The following VPS13B variants were observed in gnomAD, a reference collection of about 807,000 sequenced individuals.
VPS13B encodes the protein vacuolar protein sorting 13 homolog B.
VPS13B carries 285 observed loss-of-function variants against 426.4 expected under a neutral mutation model. That is an observed-to-expected ratio of 0.67 (90% confidence interval 0.61 to 0.74). The LOEUF (loss-of-function observed/expected upper bound fraction) is 0.74. Among genes scored for constraint, VPS13B ranks in the 30% least tolerant of loss-of-function variants. The pLI is 0.00. For missense variants in VPS13B, 4,537 were observed against 4,782.6 expected (o/e 0.95, Z 1.51); for synonymous variants, 1,676 against 1,676.4 (o/e 1.00, Z 0.01).
intron 43 of VPS13B, among the ~76,000 whole-genome samples, chr8:99,807,677 TTGTGTGTGTGTGTG>T (rs144674961): frequency 1.2e-4 from 18 of 146,190 alleles, no homozygotes. Flanking sequence ...CAGGGTGTGT[TTGTGTGTGTGTGTG>T]TGTGTGTGTG....
rs1478294396 is a variant in VPS13B, at chr8:99,274,342, G to A, written c.2650+10G>A. On this transcript the variant is annotated intron_variant, in intron 18 of 61. Coordinates refer to ENST00000357162, the MANE Select transcript of VPS13B (RefSeq NM_152564.5). ...TGTGCCAAAGCCCCAGGTATGTGCA[G>A]CTGGACCGTGTAAAACTTTATTGCC... The A allele has an allele frequency of 4.3e-6, 7 of 1,614,074 alleles. No homozygotes were observed. The Admixed American group carries it at 1.0e-4, about 23-fold the overall frequency.
intron 19 of VPS13B, among the ~76,000 whole-genome samples, chr8:99,300,325 G>T (rs1243723136): frequency 2.0e-5 from 3 of 152,178 alleles, no homozygotes; most frequent in Admixed American, 2.0e-4. Flanking sequence ...TTGATAAACA[G>T]CAGGTTACTT....
At chr8:99,514,788 T>G (rs981396133) in intron 29 of VPS13B, among the ~76,000 whole-genome samples, 1 of 152,210 alleles carries the variant, frequency 6.6e-6, no homozygotes, top group African/African-American at 2.4e-5. Context: ...TCAGTTTTTT[T>G]GGGGTGTACA....
At chr8:99,826,739 G>A (rs868581542) in intron 51 of VPS13B, among the ~76,000 whole-genome samples, 5 of 152,282 alleles carry the variant, frequency 3.3e-5, no homozygotes, top group Middle Eastern at 3.4e-3. Context: ...TTTGAGATAT[G>A]TTCCATCAAT....
At chr8:99,439,150 G>T (rs1285379811) in intron 22 of VPS13B, among the ~76,000 whole-genome samples, 2 of 152,094 alleles carry the variant, frequency 1.3e-5, no homozygotes, top group East Asian at 3.8e-4. Context: ...CCTCTGGAAT[G>T]AAATGATGAA....
intron 28 of VPS13B, among the ~76,000 whole-genome samples, chr8:99,508,234 A>G (rs751171683): frequency 4.6e-5 from 7 of 152,118 alleles, no homozygotes; most frequent in Admixed American, 1.3e-4. Flanking sequence ...TACGATTCTT[A>G]ATAAGATTGC....
At chr8:99,859,267 G>C in intron 56 of VPS13B, 37 bp from the exon 57 acceptor site, 2 of 1,612,174 alleles carry the variant, frequency 1.2e-6, no homozygotes, top group Non-Finnish European at 1.7e-6. Flanking sequence ...TTCTGCATTT[G>C]AGGTTTCAAT....
At chr8:99,428,378 A>T (rs865879908) in intron 21 of VPS13B, among the ~76,000 whole-genome samples, 1 of 152,196 alleles carries the variant, frequency 6.6e-6, no homozygotes, top group South Asian at 2.1e-4. Flanking sequence ...AAATTTTTGC[A>T]ATCTACCCAT....
At chr8:99,563,685 G>A (rs1326956485) in intron 31 of VPS13B, among the ~76,000 whole-genome samples, 1 of 152,168 alleles carries the variant, frequency 6.6e-6, no homozygotes, top group South Asian at 2.1e-4. Flanking sequence ...GAGGCTAGAA[G>A]TATGAAAGTG....
rs540017981 is a variant in VPS13B, at chr8:99,181,112, A to G, written c.2333+10949A>G. On this transcript the variant is annotated intron_variant, in intron 16 of 61. Coordinates refer to ENST00000357162, the MANE Select transcript of VPS13B (RefSeq NM_152564.5). ...CGAATGACCAATAATTAGTTATGAT[A>G]AAATGGAAAAATGTAAATAGCAAAT... is the stretch of plus-strand genomic sequence containing the variant. Among the ~76,000 whole-genome samples, 151 of 152,316 alleles carry G rather than the reference A, an allele frequency of 9.9e-4. 1 individual carries two copies. The highest frequency in any genetic ancestry group is 1.8e-3 in the Non-Finnish European group (124 of 68,002).
At chr8:99,698,841 G>A (rs1248894393) in intron 35 of VPS13B, among the ~76,000 whole-genome samples, 3 of 152,146 alleles carry the variant, frequency 2.0e-5, no homozygotes, top group Non-Finnish European at 2.9e-5. Context: ...TTTCATGTCA[G>A]GTAAGTAAGA....
chr8:99,867,234 G>T (rs1817153816), intron 58 of VPS13B, among the ~76,000 whole-genome samples: 2 of 151,910 alleles, frequency 1.3e-5, no homozygotes, highest in Non-Finnish European at 2.9e-5. Flanking sequence ...GAGATAGGGA[G>T]CCCTCCACTC....
At chr8:99,687,256 C>A (rs1376618634) in intron 35 of VPS13B, among the ~76,000 whole-genome samples, 1 of 151,946 alleles carries the variant, frequency 6.6e-6, no homozygotes, top group Non-Finnish European at 1.5e-5. Context: ...GTCCCCTTTA[C>A]TCTCCCTCTC....
intron 33 of VPS13B, among the ~76,000 whole-genome samples, chr8:99,618,925 A>C (rs1828226358): frequency 6.6e-6 from 1 of 152,120 alleles, no homozygotes; most frequent in Non-Finnish European, 1.5e-5. Context: ...GAATGATCTC[A>C]GTCGAATACA....
intron 39 of VPS13B, among the ~76,000 whole-genome samples, chr8:99,752,463 A>G (rs890316806): frequency 3.9e-5 from 6 of 152,222 alleles, no homozygotes; most frequent in African/African-American, 1.4e-4. Context: ...TATTGCTTAT[A>G]TACTACAATA....
rs980541796 is a variant in VPS13B at position 99,641,130 on chromosome 8, C to T, written c.5221-681C>T. ...GTGGAAAATTTTGAGAACTAGTAGCCTTTATTGCACAAAGGAATAATCTAC... is the reference window on the plus strand; with the variant it reads ...GTGGAAAATTTTGAGAACTAGTAGCTTTTATTGCACAAAGGAATAATCTAC... On this transcript the variant is annotated intron_variant, in intron 33 of 61. Coordinates refer to ENST00000357162, the MANE Select transcript of VPS13B (RefSeq NM_152564.5). Among the ~76,000 whole-genome samples, 4 of 152,180 alleles carry T rather than the reference C, an allele frequency of 2.6e-5. No homozygotes were observed. The South Asian group carries it at 8.3e-4, about 32-fold the overall frequency.
intron 13 of VPS13B, among the ~76,000 whole-genome samples, chr8:99,146,443 A>G (rs561466767): frequency 5.9e-4 from 90 of 152,316 alleles, no homozygotes; most frequent in African/African-American, 2.0e-3. Context: ...CTGTAACTCT[A>G]TGGTAAACCT....
At chr8:99,362,333 C>T (rs1171371530) in intron 19 of VPS13B, among the ~76,000 whole-genome samples, 5 of 151,564 alleles carry the variant, frequency 3.3e-5, no homozygotes, top group Non-Finnish European at 4.4e-5. Context: ...TAGTAGAGCC[C>T]GGGTTTCACT....
In VPS13B at chr8:99,412,680, C is replaced by T. The variant is rs2133361869; in HGVS notation, c.3083-18857C>T. 1.3e-5 allele frequency among the ~76,000 whole-genome samples: 2 copies of T among 152,166 alleles called. 1 individual carries two copies. Among genetic ancestry groups the T allele is most frequent in the Admixed American group, 1.3e-4 (2 of 15,286 alleles). On this transcript the variant is annotated intron_variant, in intron 21 of 61. Coordinates refer to ENST00000357162, the MANE Select transcript of VPS13B (RefSeq NM_152564.5). Reference sequence around the variant, plus strand: ...CAAAGGGAATGCTTCCAGCTTTTGCCCTTCCAGTATGATATTGACTGTGGG... The same window carrying T: ...CAAAGGGAATGCTTCCAGCTTTTGCTCTTCCAGTATGATATTGACTGTGGG...
Sources: gnomAD v4.1 joint callset for allele counts (sites outside exome capture counted in the v4.1 genomes callset) on GRCh38, gnomAD v4.1.1 for gene constraint, MANE v1.5 for transcripts, NCBI Gene and HGNC (gene_info 2026-07-23, HGNC 2026-07-21) for gene names.